The following CDH23 variants were observed in gnomAD, a reference collection of about 807,000 sequenced individuals.
CDH23 encodes the protein cadherin related 23, also known as cadherin-23.
CDH23 carries 189 observed loss-of-function variants against 317.1 expected under a neutral mutation model. The observed-to-expected ratio is 0.60, with a 90% CI of 0.53 to 0.67. CDH23 has a LOEUF of 0.67. Ranked by LOEUF, CDH23 falls within the 30% of genes least tolerant of loss-of-function variation. The pLI is 0.00. For missense variants in CDH23, 4,401 were observed against 4,592.4 expected (o/e 0.96, Z 1.20); for synonymous variants, 1,839 against 1,876.8 (o/e 0.98, Z 0.52).
intron 9 of CDH23, among the ~76,000 whole-genome samples, chr10:71,579,932 C>T (rs775687479): frequency 2.2e-4 from 33 of 152,154 alleles, no homozygotes; most frequent in South Asian, 1.7e-3. Context: ...TGGGCAGGGG[C>T]GTGTCTCTTA....
rs1841308480 is a variant in CDH23, at chr10:71,793,171, C to CTCTCCAACAGGATTCTCAGTCCTTCAAG, written c.6254-8_6273dup. 1 of 1,601,892 alleles carries CTCTCCAACAGGATTCTCAGTCCTTCAAG rather than the reference C, an allele frequency of 6.2e-7. No individual in the cohort carries two copies. Among genetic ancestry groups the CTCTCCAACAGGATTCTCAGTCCTTCAAG allele is most frequent in the African/African-American group, 1.3e-5 (1 of 74,716 alleles). ...ACTGTGCGCAGCTACTCCCTTTTCC[C>CTCTCCAACAGGATTCTCAGTCCTTCAAG]TCTCCAACAGGATTCTCAGTCCTTC... is the stretch of plus-strand genomic sequence containing the variant. On this transcript the variant is annotated splice_polypyrimidine_tract_variant and intron_variant, in intron 47 of 69. Coordinates refer to ENST00000224721, the MANE Select transcript of CDH23 (RefSeq NM_022124.6).
chr10:71,777,875 A>G lies in CDH23; in HGVS notation c.5041A>G (p.Asn1681Asp). 6.2e-7 allele frequency: 1 copy of G among 1,613,914 alleles called. No homozygotes were observed. The highest frequency in any genetic ancestry group is 8.5e-7 in the Non-Finnish European group (1 of 1,179,878). The change falls in exon 39 of 70, where the codon AAC (asparagine) becomes GAC (aspartate). Residue 1681 changes from asparagine to aspartate, a missense_variant. Asn to Asp is a conservative substitution (Grantham distance 23). This residue lies in a region of CDH23 where 3,068 missense variants were observed against 3,203.3 expected (regional missense o/e 0.96). Transcript: ENST00000224721. ...TYAIVAGNIV[N>D]TFRIDRHMGV... ...TGCCATCGTCGCAGGCAACATCGTC[A>G]ACACCTTCCGCATCGACAGACACAT...
chr10:71,402,197 T>C (rs992580475), intron 1 of CDH23, among the ~76,000 whole-genome samples: 4 of 152,262 alleles, frequency 2.6e-5, no homozygotes, highest in African/African-American at 9.6e-5. Context: ...GCTCAATGTA[T>C]TGGTGAGGGG....
chr10:71,758,196 T>C (rs899091167), intron 38 of CDH23, among the ~76,000 whole-genome samples: 2 of 152,082 alleles, frequency 1.3e-5, no homozygotes, highest in Non-Finnish European at 2.9e-5. Flanking sequence ...TTGGCCTGTT[T>C]GTTGGTTTGA....
chr10:71,812,684 G>T (rs559734891), intron 67 of CDH23, 75 bp downstream of exon 67: 1 of 1,612,256 alleles, frequency 6.2e-7, no homozygotes, highest in South Asian at 1.1e-5. Context: ...TGGCCAAGAA[G>T]CTGGGTTCTT....
chr10:71,650,828 G>A (rs1863133484), intron 14 of CDH23, among the ~76,000 whole-genome samples: 1 of 152,222 alleles, frequency 6.6e-6, no homozygotes, highest in Non-Finnish European at 1.5e-5. Flanking sequence ...CTTATCCTGG[G>A]ACCCTGCTAG....
chr10:71,782,596 C>G (rs987465728), intron 41 of CDH23, among the ~76,000 whole-genome samples: 3 of 152,192 alleles, frequency 2.0e-5, no homozygotes, highest in African/African-American at 7.2e-5. Context: ...AGAATTTGCA[C>G]AGGGGAACTA....
intron 9 of CDH23, among the ~76,000 whole-genome samples, chr10:71,603,782 G>A (rs950465873): frequency 2.0e-5 from 3 of 152,238 alleles, no homozygotes; most frequent in Non-Finnish European, 4.4e-5. Context: ...TCCCAGCATG[G>A]TCACTTAGTA....
At chr10:71,773,346 C>A in intron 38 of CDH23, 2 of 1,602,346 alleles carry the variant, frequency 1.2e-6, no homozygotes, top group Non-Finnish European at 1.7e-6. Context: ...GCCCCGCCTC[C>A]CCCGACCTTA....
intron 41 of CDH23, among the ~76,000 whole-genome samples, chr10:71,780,262 G>A (rs1320076345): frequency 1.3e-5 from 2 of 152,188 alleles, no homozygotes; most frequent in African/African-American, 2.4e-5. Context: ...TCCCTGCCCC[G>A]TAGAACGTAC....
At chr10:71,716,387 C>A in intron 28 of CDH23, 1 of 1,437,878 alleles carries the variant, frequency 7.0e-7, no homozygotes, top group Non-Finnish European at 9.2e-7. Flanking sequence ...ATCAGCTGGA[C>A]CCAGGGCAGC....
At chr10:71,439,780 GC>G in intron 1 of CDH23, 46 bp from the exon 2 acceptor site, 4 of 1,432,632 alleles carry the variant, frequency 2.8e-6, no homozygotes. Context: ...CAGACCCTCT[GC>G]CACCCAGGAA....
chr10:71,682,345 GC>G, intron 17 of CDH23, 99 bp from the exon 18 acceptor site: 2 of 1,474,708 alleles, frequency 1.4e-6, no homozygotes, highest in Non-Finnish European at 1.8e-6. Context: ...GCTGGCCCGG[GC>G]CATGCCAGCC....
intron 34 of CDH23, 116 bp from the exon 35 acceptor site, chr10:71,738,382 C>A: frequency 1.6e-6 from 2 of 1,226,320 alleles, no homozygotes; most frequent in Non-Finnish European, 1.2e-6. Flanking sequence ...TGAGGGTTTG[C>A]TGATGTTCCA....
intron 69 of CDH23, among the ~76,000 whole-genome samples, 180 bp from the exon 70 acceptor site, chr10:71,814,772 T>C (rs147489501): frequency 2.1e-4 from 32 of 152,046 alleles, no homozygotes; most frequent in South Asian, 6.2e-4. Flanking sequence ...CAAGAACCCA[T>C]CTGCAGCAAC....
At chr10:71,755,570 C>T in intron 38 of CDH23, 2 of 1,077,602 alleles carry the variant, frequency 1.9e-6, no homozygotes, top group Non-Finnish European at 2.7e-6. Context: ...GGAGACCCGC[C>T]TTTCCCCAGA....
intron 11 of CDH23, among the ~76,000 whole-genome samples, chr10:71,620,419 C>T (rs1337309333): frequency 6.6e-6 from 1 of 152,138 alleles, no homozygotes; most frequent in Non-Finnish European, 1.5e-5. Flanking sequence ...AGGCCGGAAC[C>T]CCCCAGGACT....
chr10:71,740,876 G>A lies in CDH23; in HGVS notation c.4543G>A (p.Val1515Met), dbSNP rs758050912. 1 of 1,613,906 alleles carries A rather than the reference G, an allele frequency of 6.2e-7. No homozygotes were observed. The highest frequency in any genetic ancestry group is 1.1e-5 in the South Asian group (1 of 91,086). Residue 1515 changes from valine to methionine, a missense_variant, in exon 37 of 70, where the codon GTG (valine) becomes ATG (methionine). By Grantham distance (21) the Val-to-Met change is conservative. Coordinates refer to ENST00000224721, the MANE Select transcript of CDH23 (RefSeq NM_022124.6). ...ACGGAAGAAGGACCACATCCTGCAGGTGACCATCCTGGACATCAATGACAA... is the reference window on the plus strand; with the variant it reads ...ACGGAAGAAGGACCACATCCTGCAGATGACCATCCTGGACATCAATGACAA... ...PPRKKDHILQ[V>M]TILDINDNPP...
chr10:71,654,533 G>T (rs1226159356), intron 14 of CDH23, among the ~76,000 whole-genome samples: 1 of 152,222 alleles, frequency 6.6e-6, no homozygotes, highest in Non-Finnish European at 1.5e-5. Flanking sequence ...CATGGATTTG[G>T]TGGGTCAGGA....
Sources: allele counts gnomAD v4.1 joint callset (sites outside exome capture counted in the v4.1 genomes callset), GRCh38; gene constraint gnomAD v4.1.1; regional missense constraint gnomAD v4.1.1; transcripts MANE v1.5; gene names NCBI Gene and HGNC (gene_info 2026-07-23, HGNC 2026-07-21).